The following SCN8A variants were observed in gnomAD, a reference collection of about 807,000 sequenced individuals.
The protein encoded by SCN8A is sodium channel protein type 8 subunit alpha.
A neutral mutation model predicts 184.1 loss-of-function variants in SCN8A; 30 were observed. The ratio of observed to expected loss-of-function variants is 0.16; its 90% CI spans 0.12 to 0.22. The LOEUF (loss-of-function observed/expected upper bound fraction) is 0.22, where lower values mean the gene tolerates loss of function less well. Among genes scored for constraint, SCN8A ranks in the 10% least tolerant of loss-of-function variants. The pLI, the probability that SCN8A is intolerant of heterozygous loss-of-function variation, is 1.00. For missense variants in SCN8A, 1,057 were observed against 2,498.9 expected (o/e 0.42, Z 12.30); for synonymous variants, 852 against 907.0 (o/e 0.94, Z 1.09).
chr12:51,721,387 C>CA (rs1365343568), intron 11 of SCN8A, among the ~76,000 whole-genome samples, 159 bp from the exon 12 acceptor site: 1 of 152,042 alleles, frequency 6.6e-6, no homozygotes, highest in African/African-American at 2.4e-5. Context: ...TGAACTGTAG[C>CA]AGTCAACATG....
At chr12:51,674,739 G>T (rs954803594) in intron 2 of SCN8A, among the ~76,000 whole-genome samples, 1 of 152,184 alleles carries the variant, frequency 6.6e-6, no homozygotes, top group African/African-American at 2.4e-5. Context: ...CACATTTAAC[G>T]AGTGCCTGTT....
chr12:51,775,360 A>C (rs900490036), intron 20 of SCN8A, among the ~76,000 whole-genome samples: 7 of 152,230 alleles, frequency 4.6e-5, no homozygotes, highest in Non-Finnish European at 8.8e-5. Context: ...AGTGCCCAAT[A>C]CTGAGCCATG....
At chr12:51,678,356 A>G (rs1592373728) in intron 2 of SCN8A, among the ~76,000 whole-genome samples, 1 of 152,246 alleles carries the variant, frequency 6.6e-6, no homozygotes, top group African/African-American at 2.4e-5. Flanking sequence ...AGACTTCAAC[A>G]TAAGGAAGCA....
At chr12:51,626,468 C>T (rs141280563) in intron 1 of SCN8A, among the ~76,000 whole-genome samples, 57 of 152,206 alleles carry the variant, frequency 3.7e-4, no homozygotes, top group African/African-American at 1.2e-3. Context: ...TATTGACTGC[C>T]AACTTTGAAA....
chr12:51,715,890 C>G (rs965625023), intron 11 of SCN8A, among the ~76,000 whole-genome samples: 2 of 152,072 alleles, frequency 1.3e-5, no homozygotes, highest in East Asian at 3.9e-4. Flanking sequence ...AGTACCTAAT[C>G]TAAGTGCATG....
intron 1 of SCN8A, among the ~76,000 whole-genome samples, chr12:51,656,927 CA>C (rs1940832426): frequency 6.6e-6 from 1 of 152,046 alleles, no homozygotes; most frequent in African/African-American, 2.4e-5. Context: ...GGTTCAGCCA[CA>C]AAATGCAAAA....
At chr12:51,678,358 A>G (rs184995255) in intron 2 of SCN8A, among the ~76,000 whole-genome samples, 2 of 152,372 alleles carry the variant, frequency 1.3e-5, no homozygotes, top group East Asian at 3.9e-4. Context: ...ACTTCAACAT[A>G]AGGAAGCAGA....
intron 11 of SCN8A, 28 bp from the exon 12 acceptor site, chr12:51,721,518 C>T: frequency 6.4e-7 from 1 of 1,567,308 alleles, no homozygotes; most frequent in Non-Finnish European, 8.7e-7. Flanking sequence ...TTCCCCGTCC[C>T]TCTCTCTTTC....
At chr12:51,651,838 C>T (rs1940721457) in intron 1 of SCN8A, among the ~76,000 whole-genome samples, 1 of 152,184 alleles carries the variant, frequency 6.6e-6, no homozygotes, top group South Asian at 2.1e-4. Flanking sequence ...TGCAGTTATC[C>T]TGCCAATTTC....
At chr12:51,701,715 A>T (rs1245366763) in intron 8 of SCN8A, among the ~76,000 whole-genome samples, 2 of 152,172 alleles carry the variant, frequency 1.3e-5, no homozygotes, top group Non-Finnish European at 2.9e-5. Flanking sequence ...TTATTTAATA[A>T]GCCATGCTCT....
intron 1 of SCN8A, among the ~76,000 whole-genome samples, chr12:51,609,202 T>C (rs1592325733): frequency 1.3e-5 from 2 of 152,346 alleles, no homozygotes; most frequent in South Asian, 4.1e-4. Context: ...ATAGAATGTG[T>C]ATTCTGTGGT....
chr12:51,636,656 G>A (rs1940325093), intron 1 of SCN8A, among the ~76,000 whole-genome samples: 1 of 152,134 alleles, frequency 6.6e-6, no homozygotes, highest in South Asian at 2.1e-4. Flanking sequence ...TTGCTTCCCA[G>A]TTTCAACATT....
At chr12:51,733,404 C>T (rs1180561139) in intron 12 of SCN8A, among the ~76,000 whole-genome samples, 1 of 152,092 alleles carries the variant, frequency 6.6e-6, no homozygotes, top group Non-Finnish European at 1.5e-5. Context: ...GAGATAAATC[C>T]AACTTGGTAA....
chr12:51,774,113 C>T, intron 19 of SCN8A, 76 bp from the exon 20 acceptor site: 7 of 1,405,134 alleles, frequency 5.0e-6, no homozygotes, highest in Non-Finnish European at 6.9e-6. Context: ...TGGGACGGCT[C>T]CCTGAGGATA....
intron 1 of SCN8A, 55 bp from the exon 2 acceptor site, chr12:51,662,709 G>GC: frequency 9.1e-7 from 1 of 1,095,918 alleles, no homozygotes. Flanking sequence ...GTTTAGTCTG[G>GC]CCTCTTTTTA....
chr12:51,730,318 T>A (rs1271702297), intron 12 of SCN8A, among the ~76,000 whole-genome samples: 1 of 152,198 alleles, frequency 6.6e-6, no homozygotes, highest in Non-Finnish European at 1.5e-5. Context: ...CTTGGCACCT[T>A]GGACAAAAAT....
chr12:51,619,372 C>T (rs915178762), intron 1 of SCN8A, among the ~76,000 whole-genome samples: 3 of 152,126 alleles, frequency 2.0e-5, no homozygotes, highest in Non-Finnish European at 4.4e-5. Flanking sequence ...GGGAAAGTTG[C>T]ATTCAATATC....
intron 12 of SCN8A, among the ~76,000 whole-genome samples, chr12:51,738,130 G>A (rs548828367): frequency 9.9e-5 from 15 of 152,194 alleles, no homozygotes; most frequent in African/African-American, 2.6e-4. Flanking sequence ...CACTTTAAGC[G>A]GTTCTTTCAA....
intron 14 of SCN8A, among the ~76,000 whole-genome samples, chr12:51,757,024 G>A (rs1466757595): frequency 3.3e-5 from 5 of 152,080 alleles, no homozygotes; most frequent in African/African-American, 1.2e-4. Flanking sequence ...TCTTTCATCT[G>A]TGCTTCTATA....
Sources: gnomAD v4.1 joint callset for allele counts (sites outside exome capture counted in the v4.1 genomes callset) on GRCh38, gnomAD v4.1.1 for gene constraint, MANE v1.5 for transcripts, NCBI Gene and HGNC (gene_info 2026-07-23, HGNC 2026-07-21) for gene names.